Variants in ANKFN1 observed in about 807,000 individuals in gnomAD.
The protein encoded by ANKFN1 is ankyrin repeat and fibronectin type-III domain-containing protein 1.
In ANKFN1, 74 loss-of-function variants were observed where a neutral mutation model predicts 108.7. The ratio of observed to expected loss-of-function variants is 0.68; its 90% CI spans 0.56 to 0.83. The LOEUF (loss-of-function observed/expected upper bound fraction) is 0.83, where lower values mean the gene tolerates loss of function less well. ANKFN1 is among the 40% of genes least tolerant of loss of function. ANKFN1 has a pLI of 0.00. For synonymous variants in ANKFN1, 547 were observed against 516.2 expected (o/e 1.06, Z -0.81); for missense variants, 1,505 against 1,382.3 (o/e 1.09, Z -1.41).
At chr17:56,492,065 A>G (rs1598716254) in intron 18 of ANKFN1, 122 bp from the exon 19 acceptor site, 1 of 610,088 alleles carries the variant, frequency 1.6e-6, no homozygotes, top group East Asian at 2.8e-5. Context: ...TTATGGCTTA[A>G]TATTTTCCAC....
intron 8 of ANKFN1, among the ~76,000 whole-genome samples, chr17:56,404,101 C>T (rs765884683): frequency 3.3e-5 from 5 of 152,032 alleles, no homozygotes; most frequent in Non-Finnish European, 5.9e-5. Context: ...AAGATTCTTT[C>T]CTTCTTCTTA....
At chr17:56,146,308 G>T (rs1908259075) in intron 4 of ANKFN1, among the ~76,000 whole-genome samples, 1 of 152,152 alleles carries the variant, frequency 6.6e-6, no homozygotes, top group Admixed American at 6.5e-5. Flanking sequence ...CCTGTTAGTG[G>T]ATCTACCATT....
At chr17:56,274,288 A>T (rs1256420475) in intron 3 of ANKFN1, among the ~76,000 whole-genome samples, 3 of 152,144 alleles carry the variant, frequency 2.0e-5, no homozygotes, top group African/African-American at 7.2e-5. Flanking sequence ...CCTGGCTAAC[A>T]TGGTGAAACC....
At position 56,466,551 on chromosome 17, in the gene ANKFN1, A is replaced by G; in HGVS notation, c.1753A>G (p.Ile585Val). Residue 585 changes from isoleucine (I) to valine (V), a missense_variant, in exon 15 of 21, where the codon ATT (isoleucine) becomes GTT (valine). Ile to Val is a conservative substitution (Grantham distance 29). Coordinates refer to ENST00000682825, the MANE Select transcript of ANKFN1 (RefSeq NM_001370326.1). Reference protein sequence around the residue: ...STPEEPTALDILLITIQDILS... With the variant: ...STPEEPTALDVLLITIQDILS... ...ACCTGAGGAGCCAACAGCTTTAGAC[A>G]TTCTACTGATAACCATCCAGGTATG... is the stretch of plus-strand genomic sequence containing the variant. The G allele has an allele frequency of 6.2e-7, 1 of 1,612,026 alleles. No individual in the cohort carries two copies. Among genetic ancestry groups the G allele is most frequent in the Non-Finnish European group, 8.5e-7 (1 of 1,178,914 alleles).
At chr17:56,329,406 AT>A (rs1338380250) in intron 4 of ANKFN1, among the ~76,000 whole-genome samples, 5 of 152,044 alleles carry the variant, frequency 3.3e-5, no homozygotes, top group African/African-American at 1.2e-4. Context: ...TTCCTCATTC[AT>A]CATTCAAAAT....
chr17:56,464,023 C>T (rs2049997002), intron 14 of ANKFN1: 1 of 152,176 alleles, frequency 6.6e-6, no homozygotes, highest in South Asian at 2.1e-4. Context: ...ATCACCTAAC[C>T]TTGATTATGA....
intron 2 of ANKFN1, among the ~76,000 whole-genome samples, chr17:56,215,424 A>G (rs78007453): frequency 1.5e-3 from 233 of 152,344 alleles, no homozygotes; most frequent in African/African-American, 4.8e-3. Context: ...GAGCAGACAC[A>G]CTGAGAAGGC....
chr17:56,436,953 G>A (rs2048950744), intron 8 of ANKFN1, among the ~76,000 whole-genome samples: 2 of 151,680 alleles, frequency 1.3e-5, no homozygotes, highest in Admixed American at 6.6e-5. Flanking sequence ...GTGGCTTCAT[G>A]CCAAAAGGAG....
chr17:56,292,918 G>C (rs1441029123), intron 3 of ANKFN1, among the ~76,000 whole-genome samples: 1 of 152,182 alleles, frequency 6.6e-6, no homozygotes, highest in African/African-American at 2.4e-5. Flanking sequence ...TGTCTTTCCA[G>C]CTGAAATCTA....
intron 6 of ANKFN1, among the ~76,000 whole-genome samples, chr17:56,363,410 A>G (rs2046577583): frequency 6.6e-6 from 1 of 152,180 alleles, no homozygotes; most frequent in African/African-American, 2.4e-5. Flanking sequence ...CTATTATCAA[A>G]AAGATGGAAG....
chr17:56,288,295 A>G (rs1227750596), intron 3 of ANKFN1, among the ~76,000 whole-genome samples: 1 of 152,182 alleles, frequency 6.6e-6, no homozygotes, highest in Non-Finnish European at 1.5e-5. Context: ...TGAGTTAAAT[A>G]TACATTATCT....
intron 4 of ANKFN1, among the ~76,000 whole-genome samples, chr17:56,066,515 C>T (rs1379440873): frequency 6.6e-6 from 1 of 152,102 alleles, no homozygotes; most frequent in Non-Finnish European, 1.5e-5. Flanking sequence ...AACTATTTTA[C>T]ATATAATGGA....
chr17:56,406,676 A>C (rs2047931598), intron 8 of ANKFN1, among the ~76,000 whole-genome samples: 3 of 152,202 alleles, frequency 2.0e-5, no homozygotes, highest in African/African-American at 7.2e-5. Flanking sequence ...GGATTAGGTC[A>C]GGTCAAATTT....
At chr17:56,394,266 G>T (rs1427392061) in intron 8 of ANKFN1, among the ~76,000 whole-genome samples, 1 of 152,050 alleles carries the variant, frequency 6.6e-6, no homozygotes, top group South Asian at 2.1e-4. Context: ...TTACACTATG[G>T]TGGCTCCTCC....
rs148124936 is a variant in ANKFN1 at position 56,124,273 on chromosome 17, G to C, written c.288+77948G>C. 5.3e-5 allele frequency among the ~76,000 whole-genome samples: 8 copies of C among 152,220 alleles called. No individual in the cohort carries two copies. In the East Asian group the frequency reaches 7.7e-4, roughly 15 times the overall value. On this transcript the variant is annotated intron_variant, in intron 4 of 12. Coordinates refer to the ANKFN1 transcript ENST00000635860. ...ATAATGTGTGTGAATTTCCACATTT[G>C]ACAGATAAAAGTGCTGAGGCATAGA...
intron 9 of ANKFN1, among the ~76,000 whole-genome samples, 197 bp downstream of exon 9, chr17:56,440,621 A>G (rs2049071036): frequency 6.6e-6 from 1 of 152,202 alleles, no homozygotes; most frequent in African/African-American, 2.4e-5. Context: ...ATCACTTTAT[A>G]AACTGTCGTG....
chr17:56,317,483 C>G (rs2045242177), intron 3 of ANKFN1, among the ~76,000 whole-genome samples: 1 of 152,120 alleles, frequency 6.6e-6, no homozygotes, highest in African/African-American at 2.4e-5. Context: ...TTTGGAGGGC[C>G]AGAATCTAAA....
At chr17:56,295,481 TG>T (rs2044483019) in intron 3 of ANKFN1, among the ~76,000 whole-genome samples, 1 of 152,160 alleles carries the variant, frequency 6.6e-6, no homozygotes, top group South Asian at 2.1e-4. Context: ...GCAGATACTC[TG>T]GGATGGGGCC....
intron 3 of ANKFN1, among the ~76,000 whole-genome samples, chr17:56,312,642 G>C (rs1045622712): frequency 4.6e-5 from 7 of 152,074 alleles, no homozygotes; most frequent in Non-Finnish European, 1.0e-4. Context: ...AAGGTCACTA[G>C]CTTCCAGCCT....
Sources: allele counts gnomAD v4.1 joint callset (sites outside exome capture counted in the v4.1 genomes callset), GRCh38; gene constraint gnomAD v4.1.1; transcripts MANE v1.5; gene names NCBI Gene and HGNC (gene_info 2026-07-23, HGNC 2026-07-21).